PER1: variants seen among roughly 807,000 people sequenced by gnomAD.
The protein encoded by PER1 is period circadian protein homolog 1.
PER1 carries 87 observed loss-of-function variants against 125.9 expected under a neutral mutation model. That is an observed-to-expected ratio of 0.69 (90% CI 0.58 to 0.83). PER1 has a LOEUF of 0.83. PER1 is among the 40% of genes least tolerant of loss of function. PER1 has a pLI of 0.00. For missense variants in PER1, 1,775 were observed against 1,722.8 expected (o/e 1.03, Z -0.54); for synonymous variants, 801 against 714.7 (o/e 1.12, Z -1.93).
rs746077366 is a variant in PER1 at position 8,145,940 on chromosome 17, C to T, written c.2218+18G>A. 3 of 1,578,214 alleles carry T rather than the reference C, an allele frequency of 1.9e-6. No homozygotes were observed. The highest frequency in any genetic ancestry group is 1.7e-6 in the Non-Finnish European group (2 of 1,161,202). On this transcript the variant is annotated intron_variant, in intron 17 of 22. Transcript: ENST00000317276. ...ACCGGTGGAGCCCAAGCACTGCCCC[C>T]CAATTCCACACCCATACCCGACTCC... is the stretch of plus-strand genomic sequence containing the variant.
chr17:8,148,386 A>G (rs1982597285), intron 8 of PER1, 127 bp from the exon 9 acceptor site: 1 of 875,830 alleles, frequency 1.1e-6, no homozygotes, highest in Admixed American at 2.4e-5. Flanking sequence ...CTATGGGCCC[A>G]AAGATGGTCT....
At chr17:8,148,899 C>T in intron 7 of PER1, 113 bp from the exon 8 acceptor site, 1 of 1,288,296 alleles carries the variant, frequency 7.8e-7, no homozygotes, top group Non-Finnish European at 1.1e-6. Flanking sequence ...CAGGAGGAGG[C>T]AGAGGTAGGC....
intron 17 of PER1, 79 bp downstream of exon 17, chr17:8,145,879 G>A (rs1271960337): frequency 4.7e-6 from 7 of 1,474,426 alleles, no homozygotes; most frequent in East Asian, 2.4e-5. Flanking sequence ...GGCCCTAGAG[G>A]GGAGGGGAAA....
intron 22 of PER1, 88 bp downstream of exon 22, chr17:8,141,717 C>A (rs1982088850): frequency 9.4e-7 from 1 of 1,069,290 alleles, no homozygotes. Context: ...ATTCTTTTTT[C>A]TCCCCCTTGA....
chr17:8,142,339 G>A lies in PER1; in HGVS notation c.3379C>T (p.Gln1127Ter). 1 of 1,613,844 alleles carries A rather than the reference G, an allele frequency of 6.2e-7. No homozygotes were observed. The change falls in exon 21 of 23, where the codon CAG (glutamine) becomes TAG (stop). Residue 1127 changes from glutamine to a stop codon, truncating the protein, a stop_gained. Coordinates refer to ENST00000317276, the MANE Select transcript of PER1 (RefSeq NM_002616.3). LOFTEE classifies it high-confidence loss of function. ...PGDQVIKYVL[Q>*]DPIWLLMANA... ...GCCATGAGCAGCCAAATGGGATCCTGGAGCACGTACTTAATCACCTGGTCC... is the reference window on the plus strand; with the variant it reads ...GCCATGAGCAGCCAAATGGGATCCTAGAGCACGTACTTAATCACCTGGTCC...
Position 8,144,852 on chromosome 17 carries a change from G to A in PER1, c.2360C>T (p.Thr787Ile), listed in dbSNP as rs1412651138. 1.3e-5 allele frequency: 20 copies of A among 1,584,884 alleles called. No homozygotes were observed. The highest frequency in any genetic ancestry group is 2.3e-5 in the East Asian group (1 of 43,932). The change falls in exon 18 of 23, where the codon ACA (threonine) becomes ATA (isoleucine). Residue 787 changes from threonine to isoleucine, a missense_variant. Coordinates refer to ENST00000317276, the MANE Select transcript of PER1 (RefSeq NM_002616.3). ...GAGGAAGGCTTGCTCTTCCTTCTGT[G>A]TGTGCAGGGACAGCACGGCCTTGGT... is the stretch of plus-strand genomic sequence containing the variant. ...GLTKAVLSLH[T>I]QKEEQAFLSR...
rs201721170 is a variant in PER1 at position 8,146,418 on chromosome 17, G to T, written c.1992C>A (p.Asp664Glu). 14 of 1,613,484 alleles carry T rather than the reference G, an allele frequency of 8.7e-6. No individual in the cohort carries two copies. The highest frequency in any genetic ancestry group is 5.9e-6 in the Non-Finnish European group (7 of 1,179,778). The change falls in exon 16 of 23, where the codon GAC becomes GAA. Residue 664 changes from aspartate to glutamate, a missense_variant. Coordinates refer to ENST00000317276, the MANE Select transcript of PER1 (RefSeq NM_002616.3). Reference protein sequence around the residue: ...SSSYTTSSASDDDRQRTGPVS... With the variant: ...SSSYTTSSASEDDRQRTGPVS... The stretch of plus-strand genomic sequence containing the variant: ...CTGGACCTGTCCTCTGCCTGTCGTC[G>T]TCAGAGGCTGAGGAGGTGGTATAGG...
rs866940939 is a variant in PER1, at chr17:8,142,805, C to T, written c.3103G>A (p.Ala1035Thr). The T allele has an allele frequency of 1.2e-6, 2 of 1,610,392 alleles. No homozygotes were observed. Among genetic ancestry groups the T allele is most frequent in the East Asian group, 2.2e-5 (1 of 44,806 alleles). Reference protein sequence around the residue: ...AEVTESSNQDALSGSSDLLEL... With the variant: ...AEVTESSNQDTLSGSSDLLEL... The stretch of plus-strand genomic sequence containing the variant: ...AGCAGGTCACTGGAGCCGGAAAGTG[C>T]GTCCTGATTGGAGGACTCAGTGACC... Residue 1035 changes from alanine to threonine, a missense_variant, in exon 20 of 23, where the codon GCA becomes ACA. By Grantham distance (58) the Ala-to-Thr change is moderately conservative. Coordinates refer to ENST00000317276, the MANE Select transcript of PER1 (RefSeq NM_002616.3).
chr17:8,148,512 C>G (rs925488317), intron 8 of PER1, 132 bp downstream of exon 8: 1 of 1,179,762 alleles, frequency 8.5e-7, no homozygotes, highest in Non-Finnish European at 1.2e-6. Context: ...GAGCTCAAAT[C>G]CTCATCTTTA....
Position 8,149,964 on chromosome 17 carries a change from C to A in PER1, c.529+7G>T. 1.2e-6 allele frequency: 2 copies of A among 1,613,486 alleles called. No individual in the cohort carries two copies. Among genetic ancestry groups the A allele is most frequent in the African/African-American group, 2.7e-5 (2 of 75,050 alleles). ...CAGGCCATTCCCTCTTGGGACACAC[C>A]ACTTACCCTGCACCTGCTTGACACA... On this transcript the variant is annotated splice_region_variant and intron_variant, in intron 4 of 22. Transcript: ENST00000317276.
At chr17:8,145,028 C>T in intron 17 of PER1, 35 bp from the exon 18 acceptor site, 3 of 1,446,442 alleles carry the variant, frequency 2.1e-6, no homozygotes, top group Non-Finnish European at 2.7e-6. Context: ...GTCATCAGAA[C>T]CACTTCAGGG....
rs762680582 is a variant in PER1 at position 8,147,454 on chromosome 17, T to C, written c.1497+16A>G. ...ACCTTTTCTCACCTCCCAGGCTCCC[T>C]CTCCGCTACTCTCACCTGCAGCAGC... On this transcript the variant is annotated intron_variant, in intron 12 of 22. Transcript: ENST00000317276. The C allele has an allele frequency of 3.7e-5, 60 of 1,612,814 alleles. No homozygotes were observed. Among genetic ancestry groups the C allele is most frequent in the Non-Finnish European group, 5.0e-5 (59 of 1,179,350 alleles).
chr17:8,148,801 A>G lies in PER1; in HGVS notation c.906-15T>C. 2 of 1,612,704 alleles carry G rather than the reference A, an allele frequency of 1.2e-6. No individual in the cohort carries two copies. The highest frequency in any genetic ancestry group is 1.1e-5 in the South Asian group (1 of 90,924). On this transcript the variant is annotated splice_polypyrimidine_tract_variant and intron_variant, in intron 7 of 22. Transcript: ENST00000317276. ...CAGGACCTCCTCTAGCAAAGGAGAG[A>G]GGAGCATTAGGGACTTTCAACAGAG... is the stretch of plus-strand genomic sequence containing the variant.
At chr17:8,151,830 C>T (rs1222340167) in intron 1 of PER1, among the ~76,000 whole-genome samples, 1 of 152,178 alleles carries the variant, frequency 6.6e-6, no homozygotes. Flanking sequence ...TACTCCCCGT[C>T]CAACCACACC....
At chr17:8,148,898 G>A (rs1982635059) in intron 7 of PER1, 112 bp from the exon 8 acceptor site, 2 of 1,287,220 alleles carry the variant, frequency 1.6e-6, no homozygotes, top group Non-Finnish European at 2.2e-6. Context: ...GCAGGAGGAG[G>A]CAGAGGTAGG....
chr17:8,147,925 G>A (rs1982562424), intron 10 of PER1, 72 bp downstream of exon 10: 16 of 1,583,148 alleles, frequency 1.0e-5, no homozygotes, highest in Non-Finnish European at 1.3e-5. Context: ...GGCACCAAGA[G>A]ACACAACCAC....
Position 8,140,864 on chromosome 17 carries a change from G to GGCTGC in PER1, c.*199_*203dup. On this transcript the variant is annotated 3_prime_UTR_variant, in exon 23 of 23. Coordinates refer to ENST00000317276, the MANE Select transcript of PER1 (RefSeq NM_002616.3). ...TGGGAGGTGACACTCCTCTGGGCTG[G>GGCTGC]GCTGCGGAGTTCTGCTCTCTGCTCC... 1 of 584,296 alleles carries GGCTGC rather than the reference G, an allele frequency of 1.7e-6. No homozygotes were observed. The allele number at this position is 584,296 out of a possible 1,614,324, so 36.2% of individuals were successfully genotyped here.
intron 8 of PER1, 90 bp downstream of exon 8, chr17:8,148,554 G>T: frequency 7.0e-7 from 1 of 1,419,262 alleles, no homozygotes; most frequent in Non-Finnish European, 9.6e-7. Context: ...AATTCAAAGG[G>T]TGTGGTTCAT....
In PER1 at chr17:8,150,684, GCCCC is replaced by G; in HGVS notation, c.19_22del (p.Gly7LeufsTer103). The stretch of plus-strand genomic sequence containing the variant: ...AGGCCTGGGGTCCCCTCCCCCATCA[GCCCC>G]TTCTAGGGGGCCACTCATGTCTGGG... On this transcript the variant is annotated frameshift_variant, in exon 2 of 23. Transcript: ENST00000317276. LOFTEE classifies it high-confidence loss of function. 1.9e-6 allele frequency: 3 copies of G among 1,575,412 alleles called. No individual in the cohort carries two copies. The highest frequency in any genetic ancestry group is 1.2e-5 in the South Asian group (1 of 85,946).
Sources: allele counts gnomAD v4.1 joint callset (sites outside exome capture counted in the v4.1 genomes callset), GRCh38; gene constraint gnomAD v4.1.1; transcripts MANE v1.5; gene names NCBI Gene and HGNC (gene_info 2026-07-23, HGNC 2026-07-21).